The following MEIKIN variants were observed in gnomAD, a reference collection of about 807,000 sequenced individuals.
MEIKIN encodes the protein meiosis-specific kinetochore protein.
intron 8 of MEIKIN, among the ~76,000 whole-genome samples, chr5:131,883,520 T>C (rs779607349): frequency 2.0e-5 from 3 of 152,332 alleles, no homozygotes; most frequent in Non-Finnish European, 1.5e-5. Context: ...TCTGAATTTC[T>C]TAACACTTAG....
chr5:131,877,922 G>T (rs1378674500), intron 9 of MEIKIN, among the ~76,000 whole-genome samples: 1 of 152,154 alleles, frequency 6.6e-6, no homozygotes, highest in Non-Finnish European at 1.5e-5. Context: ...GAAATCGTGT[G>T]CCATCCCCCT....
rs1047884309 is a variant in MEIKIN at position 131,939,042 on chromosome 5, A to G, written c.349+3593T>C. Among the ~76,000 whole-genome samples, 5 of 152,324 alleles carry G rather than the reference A, an allele frequency of 3.3e-5. No individual in the cohort carries two copies. The South Asian group carries it at 6.2e-4, about 19-fold the overall frequency. On this transcript the variant is annotated intron_variant, in intron 4 of 12. Coordinates refer to ENST00000442687, the MANE Select transcript of MEIKIN (RefSeq NM_001303622.2). ...AGTTGGAGTGTATTTGCCTGAGTGCATAAGGGGTCTGGGGATTTCACATCA... is the reference window on the plus strand; with the variant it reads ...AGTTGGAGTGTATTTGCCTGAGTGCGTAAGGGGTCTGGGGATTTCACATCA...
intron 8 of MEIKIN, among the ~76,000 whole-genome samples, chr5:131,894,259 T>C (rs1202709475): frequency 6.6e-6 from 1 of 151,236 alleles, no homozygotes; most frequent in Non-Finnish European, 1.5e-5. Flanking sequence ...TTGGTCTACA[T>C]GTCTGTTTTG....
At chr5:131,836,594 C>G (rs1420604368) in intron 11 of MEIKIN, among the ~76,000 whole-genome samples, 1 of 152,112 alleles carries the variant, frequency 6.6e-6, no homozygotes, top group Non-Finnish European at 1.5e-5. Context: ...GCCATTCTAA[C>G]TGGTGTGAGA....
chr5:131,864,878 T>C (rs1437563878), intron 9 of MEIKIN, among the ~76,000 whole-genome samples: 1 of 152,236 alleles, frequency 6.6e-6, no homozygotes, highest in Non-Finnish European at 1.5e-5. Flanking sequence ...CTTGATAGTG[T>C]TCCATAGTTA....
At chr5:131,816,574 A>G (rs1431000418) in intron 12 of MEIKIN, among the ~76,000 whole-genome samples, 1 of 152,202 alleles carries the variant, frequency 6.6e-6, no homozygotes. Context: ...GTATAAGTCA[A>G]TTCCTTGTTT....
chr5:131,848,265 T>C (rs1044634238), intron 11 of MEIKIN, among the ~76,000 whole-genome samples: 5 of 151,914 alleles, frequency 3.3e-5, no homozygotes, highest in Non-Finnish European at 7.4e-5. Flanking sequence ...GCAACAAAAC[T>C]GGCAAACCTT....
At chr5:131,924,995 GT>G (rs1751565079) in intron 5 of MEIKIN, among the ~76,000 whole-genome samples, 1 of 152,146 alleles carries the variant, frequency 6.6e-6, no homozygotes, top group Non-Finnish European at 1.5e-5. Context: ...ATTAATTTTT[GT>G]GTATGGGTGT....
At position 131,924,822 on chromosome 5, in the gene MEIKIN, G is replaced by T. The variant is rs139721192; in HGVS notation, c.479-2881C>A. On this transcript the variant is annotated intron_variant, in intron 5 of 12. Coordinates refer to ENST00000442687, the MANE Select transcript of MEIKIN (RefSeq NM_001303622.2). ...TGTTGATTGTTTCTTTTGCTGTGCA[G>T]AAGTGATGATGTCTCACTCGTTACT... Among the ~76,000 whole-genome samples the T allele has an allele frequency of 1.0e-3, 157 of 152,210 alleles. 1 individual carries two copies. Among genetic ancestry groups the T allele is most frequent in the African/African-American group, 3.6e-3 (150 of 41,542 alleles).
At chr5:131,914,604 AGG>A (rs1270947565) in intron 7 of MEIKIN, among the ~76,000 whole-genome samples, 1 of 718 alleles carries the variant, frequency 1.4e-3, no homozygotes, top group African/African-American at 2.7e-3. Flanking sequence ...AGGGAAGGGA[AGG>A]GAAGGAAAGG....
intron 8 of MEIKIN, among the ~76,000 whole-genome samples, chr5:131,897,159 T>A (rs889638435): frequency 2.0e-5 from 3 of 152,244 alleles, no homozygotes; most frequent in African/African-American, 7.2e-5. Context: ...TTTGGCTGGA[T>A]ATGAAATTCT....
At chr5:131,879,881 A>AT (rs996163716) in intron 8 of MEIKIN, among the ~76,000 whole-genome samples, 1 of 152,072 alleles carries the variant, frequency 6.6e-6, no homozygotes, top group Admixed American at 6.6e-5. Flanking sequence ...CTATGTGCCA[A>AT]TTTTGCCTAT....
At chr5:131,899,680 G>A (rs1453726208) in intron 8 of MEIKIN, among the ~76,000 whole-genome samples, 1 of 152,026 alleles carries the variant, frequency 6.6e-6, no homozygotes, top group Non-Finnish European at 1.5e-5. Context: ...AAAAGAGCAG[G>A]AGTAGCTATA....
intron 8 of MEIKIN, among the ~76,000 whole-genome samples, chr5:131,891,064 G>T (rs565336458): frequency 6.6e-6 from 1 of 152,174 alleles, no homozygotes; most frequent in East Asian, 1.9e-4. Context: ...TAGTTTGATT[G>T]CACTGTGGTC....
chr5:131,863,444 C>A lies in MEIKIN; in HGVS notation c.775-8610G>T, dbSNP rs1274595247. On this transcript the variant is annotated intron_variant, in intron 9 of 12. Transcript: ENST00000442687. ...GGATTCTGTCTCTCTTTAGATCTAG[C>A]AATATTTGCTTTATACATCTGAGTG... Among the ~76,000 whole-genome samples, 3 of 151,416 alleles carry A rather than the reference C, an allele frequency of 2.0e-5. No homozygotes were observed. The East Asian group carries it at 5.8e-4, about 29-fold the overall frequency.
intron 9 of MEIKIN, among the ~76,000 whole-genome samples, chr5:131,860,299 G>GTTTTTTTTTTTTTTTTTT (rs1750261008): frequency 7.9e-6 from 1 of 125,798 alleles, no homozygotes; most frequent in African/African-American, 3.6e-5. Context: ...TTTTTTTTTG[G>GTTTTTTTTTTTTTTTTTT]TTTTGTTGGT....
chr5:131,912,949 G>A (rs1580903972), intron 7 of MEIKIN, among the ~76,000 whole-genome samples: 1 of 152,098 alleles, frequency 6.6e-6, no homozygotes, highest in Non-Finnish European at 1.5e-5. Context: ...CTACACTTTG[G>A]GTTCCTCTGG....
intron 11 of MEIKIN, among the ~76,000 whole-genome samples, chr5:131,819,081 T>A (rs1436580623): frequency 6.6e-6 from 1 of 152,114 alleles, no homozygotes; most frequent in African/African-American, 2.4e-5. Flanking sequence ...TTATATTATC[T>A]CCATTTTATA....
At chr5:131,891,816 G>A (rs1006479959) in intron 8 of MEIKIN, among the ~76,000 whole-genome samples, 4 of 152,170 alleles carry the variant, frequency 2.6e-5, no homozygotes, top group Admixed American at 1.3e-4. Context: ...AGCTTTGATG[G>A]TCTTTACAAT....
Sources: gnomAD v4.1 joint callset for allele counts (sites outside exome capture counted in the v4.1 genomes callset) on GRCh38, gnomAD v4.1.1 for gene constraint, MANE v1.5 for transcripts, NCBI Gene and HGNC (gene_info 2026-07-23, HGNC 2026-07-21) for gene names.